The following MAGI2 variants were observed in gnomAD, a reference collection of about 807,000 sequenced individuals.
The protein encoded by MAGI2 is membrane associated guanylate kinase, WW and PDZ domain containing 2.
MAGI2 carries 35 observed loss-of-function variants against 133.3 expected under a neutral mutation model. That is an observed-to-expected ratio of 0.26 (90% CI 0.20 to 0.35). The LOEUF (loss-of-function observed/expected upper bound fraction) is 0.35. MAGI2 is among the 10% of genes least tolerant of loss of function. MAGI2 has a pLI of 1.00. For synonymous variants in MAGI2, 729 were observed against 710.6 expected, an observed-to-expected ratio of 1.03 and a Z score of -0.41; for missense variants, 1,636 against 1,863.4, an observed-to-expected ratio of 0.88 and a Z score of 2.25.
rs572743147 is a variant in MAGI2 at position 78,040,501 on chromosome 7, TTCCC to T, written c.3707-20529_3707-20526del. Among the ~76,000 whole-genome samples, 416 of 152,130 alleles carry T rather than the reference TTCCC, an allele frequency of 2.7e-3. 3 individuals carry two copies. The highest frequency in any genetic ancestry group is 9.0e-3 in the African/African-American group (375 of 41,524). The stretch of plus-strand genomic sequence containing the variant: ...GCCCGATTCCACCCCTTTCTCAACC[TTCCC>T]TGGGTGGGTAAGGTCACCCCACACG... On this transcript the variant is annotated intron_variant, in intron 21 of 21. Coordinates refer to ENST00000354212, the MANE Select transcript of MAGI2 (RefSeq NM_012301.4).
At chr7:78,253,294 C>T (rs539868647) in intron 10 of MAGI2, 1 of 152,166 alleles carries the variant, frequency 6.6e-6, no homozygotes, top group South Asian at 2.1e-4. Flanking sequence ...CAGCATTAAG[C>T]TAAGTAAAAT....
intron 1 of MAGI2, chr7:79,412,091 T>C (rs1846186420): frequency 6.6e-6 from 1 of 151,192 alleles, no homozygotes. Context: ...TTTCCTAAAC[T>C]ACCAATCTAC....
At chr7:78,130,261 G>A (rs890296983) in intron 18 of MAGI2, among the ~76,000 whole-genome samples, 1 of 152,122 alleles carries the variant, frequency 6.6e-6, no homozygotes, top group African/African-American at 2.4e-5. Context: ...GAAGTGTATG[G>A]GTGTCATGGG....
chr7:79,136,107 A>AAG (rs1327404937), intron 1 of MAGI2, among the ~76,000 whole-genome samples: 1 of 151,144 alleles, frequency 6.6e-6, no homozygotes, highest in Non-Finnish European at 1.5e-5. Context: ...GAAAGAAAGA[A>AAG]AGAAAGAAAG....
intron 1 of MAGI2, among the ~76,000 whole-genome samples, chr7:79,178,858 T>C (rs2129550185): frequency 6.6e-6 from 1 of 152,118 alleles, no homozygotes; most frequent in Non-Finnish European, 1.5e-5. Flanking sequence ...ATAGCAAAAG[T>C]TTGCCATAAG....
intron 1 of MAGI2, among the ~76,000 whole-genome samples, chr7:79,272,575 T>C (rs1204526142): frequency 6.6e-6 from 1 of 152,078 alleles, no homozygotes; most frequent in Non-Finnish European, 1.5e-5. Context: ...CTACTAATAA[T>C]ATTGTTTTCA....
Position 78,706,282 on chromosome 7 carries a change from G to A in MAGI2, c.419-79043C>T, listed in dbSNP as rs527934139. Among the ~76,000 whole-genome samples, 21 of 152,110 alleles carry A rather than the reference G, an allele frequency of 1.4e-4. No homozygotes were observed. In the East Asian group the frequency reaches 3.5e-3, roughly 25 times the overall value. On this transcript the variant is annotated intron_variant, in intron 2 of 21. Coordinates refer to ENST00000354212, the MANE Select transcript of MAGI2 (RefSeq NM_012301.4). ...TTGTGATAGTGAGTAAGTCTCATGAGATCCGAAAAGTTTATCAGGGGTTTC... is the reference window on the plus strand; with the variant it reads ...TTGTGATAGTGAGTAAGTCTCATGAAATCCGAAAAGTTTATCAGGGGTTTC...
intron 20 of MAGI2, among the ~76,000 whole-genome samples, chr7:78,084,367 G>C (rs1435258769): frequency 1.3e-5 from 2 of 152,178 alleles, no homozygotes; most frequent in Non-Finnish European, 2.9e-5. Flanking sequence ...TATTGTCTCT[G>C]TGTCATCTAT....
At chr7:78,565,637 T>A (rs1328374441) in intron 3 of MAGI2, among the ~76,000 whole-genome samples, 1 of 152,046 alleles carries the variant, frequency 6.6e-6, no homozygotes, top group African/African-American at 2.4e-5. Context: ...CTTTTCGTTT[T>A]CTTGTCATAG....
At chr7:78,487,268 A>G in intron 6 of MAGI2, 1 of 198,722 alleles carries the variant, frequency 5.0e-6, no homozygotes, top group Non-Finnish European at 1.0e-5. Context: ...TGGAAAATCA[A>G]GAGGCAATTT....
intron 2 of MAGI2, among the ~76,000 whole-genome samples, chr7:78,764,613 T>A (rs1423463704): frequency 1.3e-5 from 2 of 152,192 alleles, no homozygotes; most frequent in African/African-American, 4.8e-5. Flanking sequence ...CACTTATTGG[T>A]CATAGTTTGC....
At chr7:79,136,246 C>T (rs930510925) in intron 1 of MAGI2, among the ~76,000 whole-genome samples, 10 of 152,150 alleles carry the variant, frequency 6.6e-5, no homozygotes, top group African/African-American at 2.4e-4. Flanking sequence ...CCATCCAACA[C>T]TATGTACAAG....
At chr7:78,628,260 G>A (rs190813979) in intron 2 of MAGI2, among the ~76,000 whole-genome samples, 13 of 150,052 alleles carry the variant, frequency 8.7e-5, no homozygotes, top group African/African-American at 3.2e-4. Context: ...TGCATGGTCA[G>A]ATTGGAATTT....
At position 78,939,299 on chromosome 7, in the gene MAGI2, G is replaced by A. The variant is rs10234683; in HGVS notation, c.418+67791C>T. Among the ~76,000 whole-genome samples, 1,330 of 152,208 alleles carry A rather than the reference G, an allele frequency of 8.7e-3. 14 individuals carry two copies. The highest frequency in any genetic ancestry group is 0.03 in the African/African-American group (1,230 of 41,550). The stretch of plus-strand genomic sequence containing the variant: ...GTGAGCCACTGCGCCTGGCCATAAT[G>A]GTGATTTTAGATATAGACATCAGGA... On this transcript the variant is annotated intron_variant, in intron 2 of 21. Coordinates refer to ENST00000354212, the MANE Select transcript of MAGI2 (RefSeq NM_012301.4).
intron 1 of MAGI2, among the ~76,000 whole-genome samples, chr7:79,291,545 G>A (rs1354219506): frequency 1.3e-5 from 2 of 152,132 alleles, no homozygotes; most frequent in East Asian, 1.9e-4. Context: ...GTGTATCAGG[G>A]CTCCATTTTC....
At chr7:78,216,338 C>G (rs969395155) in intron 10 of MAGI2, among the ~76,000 whole-genome samples, 2 of 152,222 alleles carry the variant, frequency 1.3e-5, no homozygotes, top group Non-Finnish European at 2.9e-5. Flanking sequence ...CCTGCTCGTA[C>G]CTTCATCCAT....
intron 2 of MAGI2, among the ~76,000 whole-genome samples, chr7:78,793,904 T>C (rs1226439663): frequency 6.6e-6 from 1 of 152,192 alleles, no homozygotes; most frequent in Non-Finnish European, 1.5e-5. Context: ...CATGAAGATC[T>C]CTTGGGGACT....
At position 78,536,103 on chromosome 7, in the gene MAGI2, C is replaced by CTTTTTTT. The variant is rs544655465; in HGVS notation, c.539-14465_539-14459dup. 6.8e-3 allele frequency among the ~76,000 whole-genome samples: 410 copies of CTTTTTTT among 59,940 alleles called. 76 individuals carry two copies. The highest frequency in any genetic ancestry group is 0.045 in the Middle Eastern group (2 of 44). The allele number at this position is 59,940 out of a possible 152,430, so 39.3% of individuals were successfully genotyped here. ...TACAGCTGGCTCTGTATGAATTAAA[C>CTTTTTTT]TTTTTTTTTTTTTTTTTTTTTTTTT... On this transcript the variant is annotated intron_variant, in intron 3 of 21. Transcript: ENST00000354212.
chr7:78,577,831 G>T (rs769636006), intron 3 of MAGI2, among the ~76,000 whole-genome samples: 1 of 152,114 alleles, frequency 6.6e-6, no homozygotes, highest in South Asian at 2.1e-4. Context: ...GGATGTGTAC[G>T]TGCAGGTCAC....
Sources: gnomAD v4.1 joint callset for allele counts (sites outside exome capture counted in the v4.1 genomes callset) on GRCh38, gnomAD v4.1.1 for gene constraint, MANE v1.5 for transcripts, NCBI Gene and HGNC (gene_info 2026-07-23, HGNC 2026-07-21) for gene names.